The following CABLES1 variants were observed in gnomAD, a reference collection of about 807,000 sequenced individuals.
CABLES1 encodes the protein CDK5 and ABL1 enzyme substrate 1.
Under a neutral mutation model 57.8 loss-of-function variants are expected in CABLES1, and 36 were observed. That is an observed-to-expected ratio of 0.62 (90% CI 0.48 to 0.82). CABLES1 has a LOEUF of 0.82. Ranked by LOEUF, CABLES1 falls within the 40% of genes least tolerant of loss-of-function variation. The pLI is 0.00. For synonymous variants in CABLES1, 374 were observed against 363.0 expected (o/e 1.03, Z -0.35); for missense variants, 767 against 836.6 (o/e 0.92, Z 1.03).
intron 1 of CABLES1, among the ~76,000 whole-genome samples, chr18:23,139,139 C>T (rs904502345): frequency 2.0e-5 from 3 of 152,076 alleles, no homozygotes; most frequent in Admixed American, 1.3e-4. Context: ...TGGTGGCTCA[C>T]GGCTATAATC....
intron 1 of CABLES1, among the ~76,000 whole-genome samples, chr18:23,173,751 T>TC (rs1328437659): frequency 3.9e-5 from 6 of 152,188 alleles, no homozygotes; most frequent in African/African-American, 1.4e-4. Context: ...TCGCTTGCGC[T>TC]CAAGAGTTCA....
chr18:23,202,792 C>T (rs2047334638), intron 3 of CABLES1, among the ~76,000 whole-genome samples: 2 of 152,142 alleles, frequency 1.3e-5, no homozygotes. Context: ...CGAGACCATC[C>T]TGGCTAACAC....
chr18:23,155,898 C>T (rs1302731098), intron 1 of CABLES1: 7 of 1,613,840 alleles, frequency 4.3e-6, no homozygotes, highest in Non-Finnish European at 5.1e-6. Context: ...TGCCTCCTTC[C>T]TTGAATGCTT....
chr18:23,178,982 C>T (rs940329850), intron 1 of CABLES1, among the ~76,000 whole-genome samples: 1 of 152,144 alleles, frequency 6.6e-6, no homozygotes, highest in African/African-American at 2.4e-5. Context: ...TAAAACATAG[C>T]CAGATTCAAA....
chr18:23,136,772 AG>A (rs540638285), intron 1 of CABLES1, among the ~76,000 whole-genome samples, 165 bp downstream of exon 1: 63 of 152,218 alleles, frequency 4.1e-4, no homozygotes, highest in Non-Finnish European at 7.8e-4. Context: ...CACCCAAAAG[AG>A]GGGGCGTCCC....
chr18:23,240,607 G>C (rs975150553), intron 7 of CABLES1, among the ~76,000 whole-genome samples: 10 of 152,254 alleles, frequency 6.6e-5, no homozygotes, highest in African/African-American at 2.4e-4. Context: ...AATGCTCAGT[G>C]ATTGGGGAAG....
intron 1 of CABLES1, among the ~76,000 whole-genome samples, chr18:23,169,983 G>T (rs538041918): frequency 6.6e-6 from 1 of 152,282 alleles, no homozygotes; most frequent in Non-Finnish European, 1.5e-5. Flanking sequence ...AGCCGCGTGG[G>T]AGGGGGTAGG....
intron 9 of CABLES1, among the ~76,000 whole-genome samples, 162 bp downstream of exon 9, chr18:23,254,098 C>G (rs1348200825): frequency 6.6e-6 from 1 of 152,200 alleles, no homozygotes; most frequent in African/African-American, 2.4e-5. Flanking sequence ...AATAGTCAGG[C>G]TATCTTAAAA....
chr18:23,194,367 T>G (rs2145025237), intron 2 of CABLES1, 81 bp from the exon 3 acceptor site: 3 of 860,220 alleles, frequency 3.5e-6, no homozygotes, highest in Non-Finnish European at 5.8e-6. Flanking sequence ...TGTCTGGTCC[T>G]TCCTTCCTGT....
At position 23,257,536 on chromosome 18, in the gene CABLES1, G is replaced by C; in HGVS notation, c.*169G>C. ...AAACTTTCCAAGGAGTCTTGGGTGT[G>C]TAGCCAAGAGGAGCCATGAGCTATG... On this transcript the variant is annotated 3_prime_UTR_variant, in exon 10 of 10. Coordinates refer to ENST00000256925, the MANE Select transcript of CABLES1 (RefSeq NM_001100619.3). The C allele has an allele frequency of 1.5e-6, 1 of 685,636 alleles. No homozygotes were observed. Among genetic ancestry groups the C allele is most frequent in the Non-Finnish European group, 2.3e-6 (1 of 439,500 alleles). 42.5% of individuals were successfully genotyped at this position (685,636 alleles called of 1,614,324 possible).
At chr18:23,176,519 T>C (rs2047124284) in intron 1 of CABLES1, among the ~76,000 whole-genome samples, 1 of 152,104 alleles carries the variant, frequency 6.6e-6, no homozygotes, top group South Asian at 2.1e-4. Context: ...CCATAAACCC[T>C]TTATTTGGAG....
Position 23,200,456 on chromosome 18 carries a change from G to A in CABLES1, c.1010+5916G>A, listed in dbSNP as rs535397442. On this transcript the variant is annotated intron_variant, in intron 3 of 9. Transcript: ENST00000256925. ...TTTATACTTTTTTAGTAGAGACGGG[G>A]TTTCACCATGTTAGCCAGGAAGGTC... Among the ~76,000 whole-genome samples, 12 of 152,216 alleles carry A rather than the reference G, an allele frequency of 7.9e-5. 1 individual carries two copies. In the South Asian group the frequency reaches 1.5e-3, roughly 18 times the overall value.
In CABLES1 at chr18:23,252,998, G is replaced by C; in HGVS notation, c.1485G>C (p.Lys495Asn). 6.2e-7 allele frequency: 1 copy of C among 1,613,816 alleles called. No homozygotes were observed. Among genetic ancestry groups the C allele is most frequent in the Non-Finnish European group, 8.5e-7 (1 of 1,179,742 alleles). ...ACTACGTGAAGCCCTCGGATCTCAA[G>C]AAGGACATGAACGAGACCTTCAAGG... ...VIDYVKPSDL[K>N]KDMNETFKEK... Residue 495 changes from lysine (K) to asparagine (N), a missense_variant, in exon 8 of 10, where the codon AAG becomes AAC. Physicochemically the swap from Lys to Asn is moderately conservative, Grantham distance 94. Coordinates refer to ENST00000256925, the MANE Select transcript of CABLES1 (RefSeq NM_001100619.3).
At chr18:23,221,046 G>T (rs571382397) in intron 4 of CABLES1, among the ~76,000 whole-genome samples, 1 of 152,156 alleles carries the variant, frequency 6.6e-6, no homozygotes, top group Admixed American at 6.5e-5. Flanking sequence ...ATACACCCAA[G>T]TTGCCCCCTG....
chr18:23,168,763 C>T lies in CABLES1; in HGVS notation c.846-20075C>T, dbSNP rs186866263. Among the ~76,000 whole-genome samples the T allele has an allele frequency of 4.9e-4, 74 of 152,298 alleles. 1 individual carries two copies. The highest frequency in any genetic ancestry group is 3.4e-3 in the Middle Eastern group (1 of 294). ...AGCTACTCAGGCCTGTTAAGCTCCT[C>T]GCTCCATGTCCCTGCTGATGAGGCC... On this transcript the variant is annotated intron_variant, in intron 1 of 9. Transcript: ENST00000256925.
intron 2 of CABLES1, among the ~76,000 whole-genome samples, chr18:23,191,241 A>G (rs1381927327): frequency 1.3e-5 from 2 of 152,170 alleles, no homozygotes; most frequent in East Asian, 3.8e-4. Flanking sequence ...CTTAAAAAAG[A>G]AAACTTAAAA....
rs936057296 is a variant in CABLES1 at position 23,259,899 on chromosome 18, C to T, written c.*2532C>T. ...AGGACTGCCCTGAGGCCTCTCCAGTCCTCCCCACACTCAGAGATCTGTGGG... is the reference window on the plus strand; with the variant it reads ...AGGACTGCCCTGAGGCCTCTCCAGTTCTCCCCACACTCAGAGATCTGTGGG... On this transcript the variant is annotated 3_prime_UTR_variant, in exon 10 of 10. Transcript: ENST00000256925. The T allele has an allele frequency of 3.3e-5, 5 of 152,400 alleles. No homozygotes were observed. The highest frequency in any genetic ancestry group is 9.7e-5 in the African/African-American group (4 of 41,448). 9.4% of individuals were successfully genotyped at this position (152,400 alleles called of 1,614,324 possible).
At chr18:23,227,468 C>T (rs2047536327) in intron 4 of CABLES1, among the ~76,000 whole-genome samples, 1 of 152,182 alleles carries the variant, frequency 6.6e-6, no homozygotes, top group South Asian at 2.1e-4. Flanking sequence ...GCCAGTTGCC[C>T]TTGCAGGGGA....
chr18:23,212,854 G>A (rs934431827), intron 3 of CABLES1, among the ~76,000 whole-genome samples: 14 of 152,196 alleles, frequency 9.2e-5, no homozygotes, highest in Non-Finnish European at 1.3e-4. Flanking sequence ...GAATAAATAG[G>A]AGTTCATTGG....
Sources: allele counts gnomAD v4.1 joint callset (sites outside exome capture counted in the v4.1 genomes callset), GRCh38; gene constraint gnomAD v4.1.1; transcripts MANE v1.5; gene names NCBI Gene and HGNC (gene_info 2026-07-23, HGNC 2026-07-21).